Variants in PAK1 observed in about 807,000 individuals in gnomAD.
PAK1 encodes p21 (RAC1) activated kinase 1, also known as serine/threonine-protein kinase PAK 1.
In PAK1, 29 loss-of-function variants were observed where a neutral mutation model predicts 67.4. That is an observed-to-expected ratio of 0.43 (90% confidence interval 0.32 to 0.59). The LOEUF (loss-of-function observed/expected upper bound fraction) is 0.59. PAK1 is among the 20% of genes least tolerant of loss of function. The pLI, the probability that PAK1 is intolerant of heterozygous loss-of-function variation, is 0.07. For synonymous variants in PAK1, 223 were observed against 237.4 expected (o/e 0.94, Z 0.56); for missense variants, 337 against 670.7 (o/e 0.50, Z 5.50).
chr11:77,521,076 C>T, the PAK1 span, among the ~76,000 whole-genome samples: 2 of 152,164 alleles, frequency 1.3e-5, no homozygotes, highest in African/African-American at 4.8e-5. Flanking sequence ...ACTAGCATGA[C>T]CTTTATGGGA....
chr11:77,528,805 G>C, the PAK1 span, among the ~76,000 whole-genome samples: 1 of 151,554 alleles, frequency 6.6e-6, no homozygotes, highest in East Asian at 1.9e-4. Context: ...CATGCTTCTC[G>C]GTTTTTCATA....
At chr11:77,498,300 CA>C in the PAK1 span, among the ~76,000 whole-genome samples, 4 of 152,046 alleles carry the variant, frequency 2.6e-5, no homozygotes, top group Non-Finnish European at 5.9e-5. Flanking sequence ...AAAATTATTC[CA>C]AAAGGAAAAG....
intron 1 of PAK1, among the ~76,000 whole-genome samples, chr11:77,447,033 A>G (rs1041761586): frequency 2.0e-5 from 3 of 152,240 alleles, no homozygotes; most frequent in African/African-American, 7.2e-5. Context: ...TAAAACACAT[A>G]AAGACATAGG....
At chr11:77,486,529 C>T in the PAK1 span, among the ~76,000 whole-genome samples, 1 of 152,202 alleles carries the variant, frequency 6.6e-6, no homozygotes, top group Non-Finnish European at 1.5e-5. Flanking sequence ...TTAAAGAGCA[C>T]ATAAAAGGGT....
chr11:77,440,064 T>G (rs891212686), intron 1 of PAK1, among the ~76,000 whole-genome samples: 1 of 152,184 alleles, frequency 6.6e-6, no homozygotes, highest in Non-Finnish European at 1.5e-5. Context: ...ACAGGTAACG[T>G]TGGACCATTC....
chr11:77,388,249 A>C (rs928641115), intron 2 of PAK1, among the ~76,000 whole-genome samples: 3 of 152,234 alleles, frequency 2.0e-5, no homozygotes, highest in African/African-American at 4.8e-5. Flanking sequence ...TGTATCATTG[A>C]ATAAAGTACT....
intron 5 of PAK1, among the ~76,000 whole-genome samples, chr11:77,363,444 C>G (rs1947071830): frequency 6.6e-6 from 1 of 152,172 alleles, no homozygotes; most frequent in South Asian, 2.1e-4. Context: ...TCCCCACTCC[C>G]TCCATGAGAA....
intron 1 of PAK1, among the ~76,000 whole-genome samples, chr11:77,426,078 C>CT (rs35602138): frequency 0.024 from 2,850 of 117,208 alleles, 86 homozygotes; most frequent in African/African-American, 0.065. Context: ...TTGAAGGCCT[C>CT]TTTTTTTTTT....
chr11:77,478,631 T>C (rs1592616014), upstream of PAK1, among the ~76,000 whole-genome samples: 1 of 146,834 alleles, frequency 6.8e-6, no homozygotes, highest in South Asian at 2.1e-4. Context: ...AAAAAAAAAA[T>C]TAGCCGGGCG....
At chr11:77,496,019 CTT>C in the PAK1 span, among the ~76,000 whole-genome samples, 161 of 126,204 alleles carry the variant, frequency 1.3e-3, no homozygotes, top group Middle Eastern at 4.1e-3. Flanking sequence ...GAACTGTACA[CTT>C]TTTTTTTTTT....
At chr11:77,508,213 TG>T in the PAK1 span, among the ~76,000 whole-genome samples, 2 of 152,256 alleles carry the variant, frequency 1.3e-5, no homozygotes, top group Admixed American at 1.3e-4. Flanking sequence ...ATGATTATCC[TG>T]GGAGATACTA....
intron 1 of PAK1, among the ~76,000 whole-genome samples, chr11:77,394,321 CTGAGT>C (rs1273159910): frequency 8.5e-5 from 13 of 152,154 alleles, no homozygotes; most frequent in African/African-American, 1.7e-4. Context: ...TTTAGAACGG[CTGAGT>C]TAAGACCTAA....
intron 4 of PAK1, 103 bp downstream of exon 4, chr11:77,379,138 T>C: frequency 2.0e-6 from 2 of 997,040 alleles, no homozygotes; most frequent in Non-Finnish European, 2.9e-6. Context: ...TTCCACTCTT[T>C]CCACTACTTT....
chr11:77,394,555 A>T (rs1207826919), intron 1 of PAK1, among the ~76,000 whole-genome samples: 1 of 151,798 alleles, frequency 6.6e-6, no homozygotes, highest in African/African-American at 2.4e-5. Context: ...TACTTTTAAA[A>T]CCCTTCACTG....
chr11:77,440,148 T>A (rs1381056873), intron 1 of PAK1, among the ~76,000 whole-genome samples: 1 of 152,234 alleles, frequency 6.6e-6, no homozygotes, highest in Non-Finnish European at 1.5e-5. Flanking sequence ...AAAGATCATT[T>A]GAAAAATTTC....
chr11:77,384,276 A>G (rs944827578), intron 2 of PAK1, among the ~76,000 whole-genome samples: 26 of 152,152 alleles, frequency 1.7e-4, no homozygotes, highest in Admixed American at 1.5e-3. Context: ...AGGCACTAAG[A>G]GCTTCGGACT....
the PAK1 span, among the ~76,000 whole-genome samples, chr11:77,481,494 G>A: frequency 3.9e-5 from 6 of 151,906 alleles, no homozygotes; most frequent in Non-Finnish European, 8.8e-5. Flanking sequence ...GGCCAACAAG[G>A]TGAAACCCCA....
rs960011627 is a variant in PAK1, at chr11:77,450,628, T to C, written c.-22+22924A>G. On this transcript the variant is annotated intron_variant, in intron 1 of 14. Coordinates refer to ENST00000356341, the MANE Select transcript of PAK1 (RefSeq NM_002576.5). ...AGAAGTTCTCCACTTTAGATAGATA[T>C]TATTTCAAAAAAATACATTGGCATA... is the stretch of plus-strand genomic sequence containing the variant. Among the ~76,000 whole-genome samples, 8 of 152,198 alleles carry C rather than the reference T, an allele frequency of 5.3e-5. 1 individual carries two copies. The highest frequency in any genetic ancestry group is 5.2e-4 in the Admixed American group (8 of 15,282).
At position 77,440,015 on chromosome 11, in the gene PAK1, G is replaced by A. The variant is rs181245924; in HGVS notation, c.-22+33537C>T. The stretch of plus-strand genomic sequence containing the variant: ...ACTAGTCTAAGGTACACCTGTCATC[G>A]GAGAATCAGGTATTATAAACTTAAT... On this transcript the variant is annotated intron_variant, in intron 1 of 14. Coordinates refer to ENST00000356341, the MANE Select transcript of PAK1 (RefSeq NM_002576.5). Among the ~76,000 whole-genome samples the A allele has an allele frequency of 2.8e-4, 43 of 152,200 alleles. 1 individual carries two copies. Among genetic ancestry groups the A allele is most frequent in the Admixed American group, 2.7e-3 (42 of 15,290 alleles).
Sources: gnomAD v4.1 joint callset for allele counts (sites outside exome capture counted in the v4.1 genomes callset) on GRCh38, gnomAD v4.1.1 for gene constraint, MANE v1.5 for transcripts, NCBI Gene and HGNC (gene_info 2026-07-23, HGNC 2026-07-21) for gene names.